The following SPATC1L variants were observed in gnomAD, a reference collection of about 807,000 sequenced individuals.
SPATC1L encodes the protein speriolin-like protein.
In SPATC1L, 20 loss-of-function variants were observed where a neutral mutation model predicts 21.2. The ratio of observed to expected loss-of-function variants is 0.94; its 90% CI spans 0.66 to 1.37. SPATC1L has a LOEUF of 1.37. Ranked by LOEUF, SPATC1L falls within the 40% of genes most tolerant of loss-of-function variation. The pLI is 0.00. For synonymous variants in SPATC1L, 290 were observed against 234.5 expected (o/e 1.24, Z -2.16); for missense variants, 499 against 478.7 (o/e 1.04, Z -0.40).
rs2079490307 is a variant in SPATC1L at position 46,161,559 on chromosome 21, G to A, written c.843C>T (p.Thr281=). 3 of 1,610,742 alleles carry A rather than the reference G, an allele frequency of 1.9e-6. No individual in the cohort carries two copies. Among genetic ancestry groups the A allele is most frequent in the Non-Finnish European group, 1.7e-6 (2 of 1,179,130 alleles). The change falls in exon 5 of 5, where the codon ACC becomes ACT. Residue 281 remains threonine, a synonymous_variant. Transcript: ENST00000291672. ...HPAFSEFLIN[T]YGILKQRPDL... Reference sequence around the variant, plus strand: ...CGGGCCGCTGCTTCAGGATTCCGTAGGTGTTGATGAGGAACTCGCTGAACG... The same window carrying A: ...CGGGCCGCTGCTTCAGGATTCCGTAAGTGTTGATGAGGAACTCGCTGAACG...
At chr21:46,181,048 C>T (rs1410610084) in intron 2 of SPATC1L, among the ~76,000 whole-genome samples, 1 of 152,250 alleles carries the variant, frequency 6.6e-6, no homozygotes, top group African/African-American at 2.4e-5. Flanking sequence ...GGCACCAGCA[C>T]TCTGTCCAGC....
intron 2 of SPATC1L, among the ~76,000 whole-genome samples, chr21:46,172,807 G>C (rs2079603656): frequency 6.6e-6 from 1 of 152,234 alleles, no homozygotes; most frequent in African/African-American, 2.4e-5. Context: ...GGCAGATGGA[G>C]GGAGCACACA....
At chr21:46,165,859 T>C (rs1334983115) in intron 3 of SPATC1L, among the ~76,000 whole-genome samples, 3 of 152,202 alleles carry the variant, frequency 2.0e-5, no homozygotes, top group Non-Finnish European at 4.4e-5. Flanking sequence ...TTAATTTCAG[T>C]TGACATTATC....
chr21:46,174,350 A>AAAAAAAAC lies in SPATC1L; in HGVS notation c.194-5693_194-5692insGTTTTTTT, dbSNP rs2079616252. 3.2e-4 allele frequency among the ~76,000 whole-genome samples: 47 copies of AAAAAAAAC among 148,230 alleles called. 1 individual carries two copies. In the South Asian group the frequency reaches 9.5e-3, roughly 30 times the overall value. ...TCTGTCTCAAAAAACAAAACAAAAA[A>AAAAAAAAC]AAAAAAAAAACAGAATGGCAAGCTA... On this transcript the variant is annotated intron_variant, in intron 2 of 4. Transcript: ENST00000291672.
chr21:46,169,332 G>A (rs28442116), intron 2 of SPATC1L, among the ~76,000 whole-genome samples: 33 of 131,424 alleles, frequency 2.5e-4, no homozygotes, highest in Admixed American at 4.4e-4. Context: ...TGCTCTGTGA[G>A]CATCCTCTGT....
chr21:46,165,340 A>G (rs1220108824), intron 3 of SPATC1L, among the ~76,000 whole-genome samples: 1 of 152,234 alleles, frequency 6.6e-6, no homozygotes, highest in Non-Finnish European at 1.5e-5. Flanking sequence ...ATTTCCTCAG[A>G]TTGCTGATGT....
chr21:46,176,953 AAGTTTGCACACCTAT>A (rs2079637645), intron 2 of SPATC1L, among the ~76,000 whole-genome samples: 1 of 152,218 alleles, frequency 6.6e-6, no homozygotes, highest in Non-Finnish European at 1.5e-5. Flanking sequence ...ACCCAGAAAT[AAGTTTGCACACCTAT>A]AACCACCTGA....
In SPATC1L at chr21:46,168,293, C is replaced by T. The variant is rs375940944; in HGVS notation, c.544+15G>A. ...CACTGGGGGCCCCCCCAGGTGCCCCCGCACCCGGCCATACCATTGAGGTAG... is the reference window on the plus strand; with the variant it reads ...CACTGGGGGCCCCCCCAGGTGCCCCTGCACCCGGCCATACCATTGAGGTAG... On this transcript the variant is annotated intron_variant, in intron 3 of 4. Coordinates refer to ENST00000291672, the MANE Select transcript of SPATC1L (RefSeq NM_001142854.2). The T allele has an allele frequency of 3.6e-5, 55 of 1,538,674 alleles. No individual in the cohort carries two copies. Among genetic ancestry groups the T allele is most frequent in the Admixed American group, 1.1e-4 (6 of 54,218 alleles).
At chr21:46,174,513 A>C (rs535111014) in intron 2 of SPATC1L, among the ~76,000 whole-genome samples, 2 of 152,312 alleles carry the variant, frequency 1.3e-5, no homozygotes, top group African/African-American at 4.8e-5. Context: ...GGTTGCAATC[A>C]TAGTTTCTGA....
At chr21:46,168,184 C>T (rs1375821251) in intron 3 of SPATC1L, 124 bp downstream of exon 3, 2 of 581,186 alleles carry the variant, frequency 3.4e-6, no homozygotes, top group Non-Finnish European at 5.8e-6. Context: ...CAGCCTGGCT[C>T]TCCTCCCTCC....
Position 46,161,673 on chromosome 21 carries a change from G to A in SPATC1L, c.729C>T (p.Asp243=), listed in dbSNP as rs763895428. 9 of 1,606,444 alleles carry A rather than the reference G, an allele frequency of 5.6e-6. No individual in the cohort carries two copies. The highest frequency in any genetic ancestry group is 2.2e-5 in the South Asian group (2 of 90,406). ...TSTKSLDGSV[D]ERKLRELTQR... Reference sequence around the variant, plus strand: ...GCGTCAGCTCGCGCAGCTTCCTCTCGTCCACGGAGCCGTCCAGAGACTTGG... The same window carrying A: ...GCGTCAGCTCGCGCAGCTTCCTCTCATCCACGGAGCCGTCCAGAGACTTGG... Residue 243 remains aspartate (D), a synonymous_variant, in exon 5 of 5, where the codon GAC becomes GAT. Coordinates refer to ENST00000291672, the MANE Select transcript of SPATC1L (RefSeq NM_001142854.2).
At chr21:46,175,879 T>C (rs2079629307) in intron 2 of SPATC1L, among the ~76,000 whole-genome samples, 1 of 152,100 alleles carries the variant, frequency 6.6e-6, no homozygotes, top group South Asian at 2.1e-4. Context: ...GGCCAATATA[T>C]TTGATGAACA....
Position 46,161,365 on chromosome 21 carries a change from G to A in SPATC1L, c.*14C>T, listed in dbSNP as rs745652450. 9.3e-6 allele frequency: 14 copies of A among 1,497,522 alleles called. No individual in the cohort carries two copies. Among genetic ancestry groups the A allele is most frequent in the Middle Eastern group, 1.8e-4 (1 of 5,614 alleles). 92.8% of individuals were successfully genotyped at this position (1,497,522 alleles called of 1,614,324 possible). A position where few individuals can be genotyped will look rare whatever the true frequency, so the allele number is the denominator to read the frequency against. On this transcript the variant is annotated 3_prime_UTR_variant, in exon 5 of 5. Transcript: ENST00000291672. ...ACGCGTTTACTGCAGGCAAGGCGGC[G>A]GGCGCGGGGCGGCTCACCAGGCGAA...
intron 2 of SPATC1L, among the ~76,000 whole-genome samples, chr21:46,176,312 C>G (rs572154301): frequency 6.6e-6 from 1 of 152,108 alleles, no homozygotes; most frequent in East Asian, 1.9e-4. Context: ...GAAATAAAGC[C>G]CATCCAAATA....
chr21:46,178,602 C>T (rs564133351), intron 2 of SPATC1L, among the ~76,000 whole-genome samples: 1 of 152,174 alleles, frequency 6.6e-6, no homozygotes, highest in South Asian at 2.1e-4. Context: ...AAAAGAAATA[C>T]ATGGCCAGGT....
In SPATC1L at chr21:46,161,555, C is replaced by T. The variant is rs746255692; in HGVS notation, c.847G>A (p.Gly283Arg). 2 of 1,610,608 alleles carry T rather than the reference C, an allele frequency of 1.2e-6. No homozygotes were observed. The highest frequency in any genetic ancestry group is 1.3e-5 in the African/African-American group (1 of 74,862). The change falls in exon 5 of 5, where the codon GGA becomes AGA. Residue 283 changes from glycine to arginine, a missense_variant. Transcript: ENST00000291672. ...AFSEFLINTY[G>R]ILKQRPDLRA... ...AGGTCGGGCCGCTGCTTCAGGATTC[C>T]GTAGGTGTTGATGAGGAACTCGCTG... is the stretch of plus-strand genomic sequence containing the variant.
chr21:46,168,348 C>T lies in SPATC1L; in HGVS notation c.504G>A (p.Leu168=). The T allele has an allele frequency of 1.2e-6, 2 of 1,600,692 alleles. No individual in the cohort carries two copies. Among genetic ancestry groups the T allele is most frequent in the Non-Finnish European group, 1.7e-6 (2 of 1,169,742 alleles). Reference sequence around the variant, plus strand: ...TCCTCCTGGTCCTGTCCCCGGTGGGCAGGCTGCTCTCCGAGAAACACACCT... The same window carrying T: ...TCCTCCTGGTCCTGTCCCCGGTGGGTAGGCTGCTCTCCGAGAAACACACCT... The part of the protein sequence containing the change: ...PKKVCFSESS[L]PTGDRTRRSY... Residue 168 remains leucine (L), a synonymous_variant, in exon 3 of 5, where the codon CTG becomes CTA. Coordinates refer to ENST00000291672, the MANE Select transcript of SPATC1L (RefSeq NM_001142854.2).
intron 2 of SPATC1L, among the ~76,000 whole-genome samples, chr21:46,169,101 G>C (rs1325495399): frequency 6.6e-6 from 1 of 152,262 alleles, no homozygotes; most frequent in South Asian, 2.1e-4. Flanking sequence ...TCATTTAACT[G>C]TTTCCTGGCA....
At chr21:46,161,732 TG>T in intron 4 of SPATC1L, 27 bp from the exon 5 acceptor site, 1 of 1,472,442 alleles carries the variant, frequency 6.8e-7, no homozygotes, top group Non-Finnish European at 9.2e-7. Flanking sequence ...TGGATGGGGG[TG>T]GGGGGCTCGG....
Sources: gnomAD v4.1 joint callset for allele counts (sites outside exome capture counted in the v4.1 genomes callset) on GRCh38, gnomAD v4.1.1 for gene constraint, MANE v1.5 for transcripts, NCBI Gene and HGNC (gene_info 2026-07-23, HGNC 2026-07-21) for gene names.